Variants in NTN4 observed in about 807,000 individuals in gnomAD.
The protein encoded by NTN4 is netrin-4.
NTN4 carries 32 observed loss-of-function variants against 73.6 expected under a neutral mutation model. That is an observed-to-expected ratio of 0.44 (90% CI 0.33 to 0.58). The LOEUF (loss-of-function observed/expected upper bound fraction) is 0.58, where lower values mean the gene tolerates loss of function less well. Ranked by LOEUF, NTN4 falls within the 20% of genes least tolerant of loss-of-function variation. The probability of loss-of-function intolerance (pLI) is 0.04; values close to 1 mark genes in which losing one functional copy is unlikely to be tolerated. For missense variants in NTN4, 654 were observed against 798.3 expected, an observed-to-expected ratio of 0.82 and a Z score of 2.18; for synonymous variants, 258 against 287.5, an observed-to-expected ratio of 0.90 and a Z score of 1.04.
rs2078791170 is a variant in NTN4 at position 95,737,923 on chromosome 12, A to G, written c.807T>C (p.Asp269=). Residue 269 remains aspartate (D), a synonymous_variant, in exon 3 of 10, where the codon GAT becomes GAC. Transcript: ENST00000343702. ...TGAAGCCATGAACAGGTATGCATTG[A>G]TCAGCGTGGCCATTGCAGAAGCAGC... ...KGSCFCNGHA[D]QCIPVHGFRP... The G allele has an allele frequency of 6.2e-7, 1 of 1,614,140 alleles. No individual in the cohort carries two copies. Among genetic ancestry groups the G allele is most frequent in the Non-Finnish European group, 8.5e-7 (1 of 1,179,994 alleles).
At chr12:95,685,103 C>T (rs1043028536) in intron 5 of NTN4, among the ~76,000 whole-genome samples, 7 of 152,216 alleles carry the variant, frequency 4.6e-5, no homozygotes, top group South Asian at 4.1e-4. Flanking sequence ...TGGACTCAAG[C>T]GATCTGCCCA....
chr12:95,727,956 T>A (rs2078707355), intron 3 of NTN4, among the ~76,000 whole-genome samples: 1 of 152,200 alleles, frequency 6.6e-6, no homozygotes, highest in East Asian at 1.9e-4. Flanking sequence ...TCCCTTTACT[T>A]AGGTATTCTT....
chr12:95,766,524 G>T (rs1040017219), intron 2 of NTN4, among the ~76,000 whole-genome samples: 2 of 152,290 alleles, frequency 1.3e-5, no homozygotes, highest in East Asian at 3.9e-4. Flanking sequence ...TCATACTCTT[G>T]CCTTTTGAAA....
chr12:95,761,217 C>T (rs1308659386), intron 2 of NTN4, among the ~76,000 whole-genome samples: 1 of 152,086 alleles, frequency 6.6e-6, no homozygotes, highest in Non-Finnish European at 1.5e-5. Flanking sequence ...TATGTATACT[C>T]TTCCATGCTT....
intron 2 of NTN4, among the ~76,000 whole-genome samples, chr12:95,761,034 G>A (rs2078983271): frequency 6.6e-6 from 1 of 152,138 alleles, no homozygotes; most frequent in African/African-American, 2.4e-5. Flanking sequence ...GTTGTATTAG[G>A]AGGTATGCGC....
chr12:95,739,466 TATTCA>T (rs1414091855), intron 2 of NTN4, among the ~76,000 whole-genome samples: 2 of 152,214 alleles, frequency 1.3e-5, no homozygotes, highest in Non-Finnish European at 2.9e-5. Context: ...ATATGTCATA[TATTCA>T]AAAGTCAGTA....
chr12:95,768,801 T>C (rs2079037024), intron 2 of NTN4, among the ~76,000 whole-genome samples: 1 of 152,064 alleles, frequency 6.6e-6, no homozygotes, highest in Non-Finnish European at 1.5e-5. Context: ...TCTAAGATAG[T>C]AGCTACAGGG....
intron 3 of NTN4, among the ~76,000 whole-genome samples, chr12:95,732,067 G>A (rs1251490816): frequency 6.6e-6 from 1 of 152,134 alleles, no homozygotes; most frequent in African/African-American, 2.4e-5. Context: ...CTAATTTACA[G>A]ATGTACATTT....
chr12:95,782,139 C>A lies in NTN4; in HGVS notation c.585+4800G>T, dbSNP rs546299298. The stretch of plus-strand genomic sequence containing the variant: ...CCTGCCCAAGGCTTATTCATTTATC[C>A]CCTGTCATTTCTCCCTGCTTGTCAT... On this transcript the variant is annotated intron_variant, in intron 2 of 9. Coordinates refer to ENST00000343702, the MANE Select transcript of NTN4 (RefSeq NM_021229.4). Among the ~76,000 whole-genome samples, 19 of 152,182 alleles carry A rather than the reference C, an allele frequency of 1.2e-4. 1 individual carries two copies. The South Asian group carries it at 3.9e-3, about 32-fold the overall frequency.
At chr12:95,665,016 T>C (rs1421150009) in intron 9 of NTN4, among the ~76,000 whole-genome samples, 1 of 152,088 alleles carries the variant, frequency 6.6e-6, no homozygotes, top group Non-Finnish European at 1.5e-5. Flanking sequence ...TTTGTTTTAT[T>C]AGAACCTGCT....
Position 95,676,345 on chromosome 12 carries a change from G to A in NTN4, c.1511-6199C>T, listed in dbSNP as rs551515451. ...TGGTCTCCAACTCCTGACCTCAGGT[G>A]ATCCACCCACTTCGGCCTCCCAAAG... On this transcript the variant is annotated intron_variant, in intron 7 of 9. Coordinates refer to ENST00000343702, the MANE Select transcript of NTN4 (RefSeq NM_021229.4). 6.6e-5 allele frequency among the ~76,000 whole-genome samples: 10 copies of A among 152,066 alleles called. No homozygotes were observed. In the East Asian group the frequency reaches 1.9e-3, roughly 29 times the overall value.
At chr12:95,715,120 G>A (rs1238709297) in intron 3 of NTN4, among the ~76,000 whole-genome samples, 2 of 152,144 alleles carry the variant, frequency 1.3e-5, no homozygotes, top group African/African-American at 4.8e-5. Flanking sequence ...TGGGCCTTAT[G>A]CTCACATAAT....
intron 5 of NTN4, among the ~76,000 whole-genome samples, chr12:95,690,639 G>C (rs1411550068): frequency 6.6e-6 from 1 of 151,424 alleles, no homozygotes; most frequent in Non-Finnish European, 1.5e-5. Flanking sequence ...TATGCAATAT[G>C]AATATATCAA....
At chr12:95,694,173 T>C (rs1044864465) in intron 5 of NTN4, among the ~76,000 whole-genome samples, 1 of 152,236 alleles carries the variant, frequency 6.6e-6, no homozygotes, top group Non-Finnish European at 1.5e-5. Flanking sequence ...GCTCTAACTT[T>C]TGTTATTTTG....
intron 2 of NTN4, among the ~76,000 whole-genome samples, chr12:95,756,019 A>G (rs1358083948): frequency 2.0e-5 from 3 of 152,200 alleles, no homozygotes; most frequent in South Asian, 2.1e-4. Flanking sequence ...GGCTAGTCCA[A>G]TTAGACGAAA....
At chr12:95,747,914 G>A (rs2078873524) in intron 2 of NTN4, among the ~76,000 whole-genome samples, 1 of 151,758 alleles carries the variant, frequency 6.6e-6, no homozygotes, top group African/African-American at 2.4e-5. Context: ...AACATAACTA[G>A]CACAATTTTA....
At chr12:95,746,577 T>C (rs2078864724) in intron 2 of NTN4, among the ~76,000 whole-genome samples, 1 of 152,198 alleles carries the variant, frequency 6.6e-6, no homozygotes, top group South Asian at 2.1e-4. Flanking sequence ...TGGCCTCAGG[T>C]AGTTTTCTTG....
intron 5 of NTN4, among the ~76,000 whole-genome samples, chr12:95,700,103 T>TTTTTTTTTTTTG (rs2078472786): frequency 8.1e-6 from 1 of 123,872 alleles, no homozygotes; most frequent in Non-Finnish European, 1.7e-5. Flanking sequence ...TTTTTTTTTT[T>TTTTTTTTTTTTG]TTTTTTTTTT....
At chr12:95,779,650 TAA>T (rs978664457) in intron 2 of NTN4, among the ~76,000 whole-genome samples, 1 of 151,624 alleles carries the variant, frequency 6.6e-6, no homozygotes, top group Non-Finnish European at 1.5e-5. Flanking sequence ...CTCAATGAAA[TAA>T]AAGAGAATAC....
Sources: allele counts gnomAD v4.1 joint callset (sites outside exome capture counted in the v4.1 genomes callset), GRCh38; gene constraint gnomAD v4.1.1; transcripts MANE v1.5; gene names NCBI Gene and HGNC (gene_info 2026-07-23, HGNC 2026-07-21).